TTC29: variants seen among roughly 807,000 people sequenced by gnomAD.
TTC29 encodes tetratricopeptide repeat protein 29.
TTC29 carries 49 observed loss-of-function variants against 58.1 expected under a neutral mutation model. The observed-to-expected ratio is 0.84, with a 90% CI of 0.67 to 1.07. The LOEUF is 1.07. TTC29 is among the 50% of genes least tolerant of loss of function. The pLI, the probability that TTC29 is intolerant of heterozygous loss-of-function variation, is 0.00. For missense variants in TTC29, 582 were observed against 555.6 expected (o/e 1.05, Z -0.48); for synonymous variants, 209 against 196.8 (o/e 1.06, Z -0.52).
At position 146,723,859 on chromosome 4, in the gene TTC29, G is replaced by A. The variant is rs118100005; in HGVS notation, c.1331-16308C>T. On this transcript the variant is annotated intron_variant, in intron 11 of 12. Transcript: ENST00000325106. The stretch of plus-strand genomic sequence containing the variant: ...CTGAAAACAGAACTACCAGTCAACT[G>A]AGAAATCCCATTACTGGGTATATAT... Among the ~76,000 whole-genome samples, 11 of 152,292 alleles carry A rather than the reference G, an allele frequency of 7.2e-5. No homozygotes were observed. The East Asian group carries it at 2.1e-3, about 29-fold the overall frequency.
chr4:146,789,408 G>T (rs564695609), intron 11 of TTC29, among the ~76,000 whole-genome samples: 5 of 152,272 alleles, frequency 3.3e-5, no homozygotes, highest in Middle Eastern at 3.4e-3. Flanking sequence ...ACCCTAGAGA[G>T]ATCCATTTTT....
intron 6 of TTC29, among the ~76,000 whole-genome samples, chr4:146,885,523 A>G (rs1415888191): frequency 6.6e-6 from 1 of 152,124 alleles, no homozygotes; most frequent in Admixed American, 6.6e-5. Flanking sequence ...TTTCATAATC[A>G]TATTTTAAAA....
intron 6 of TTC29, among the ~76,000 whole-genome samples, chr4:146,884,224 A>G (rs930640736): frequency 6.6e-6 from 1 of 152,154 alleles, no homozygotes; most frequent in Non-Finnish European, 1.5e-5. Context: ...CTAACTATCA[A>G]ATTCACTTTC....
intron 11 of TTC29, among the ~76,000 whole-genome samples, chr4:146,786,285 A>AAAAG (rs1192510845): frequency 4.6e-5 from 7 of 152,208 alleles, no homozygotes; most frequent in Non-Finnish European, 1.0e-4. Context: ...TTTGTTCTCT[A>AAAAG]AAAGACTGGC....
chr4:146,874,569 T>A, intron 7 of TTC29, 147 bp downstream of exon 7: 2 of 692,458 alleles, frequency 2.9e-6, no homozygotes, highest in Non-Finnish European at 4.8e-6. Flanking sequence ...CGTTTTACAG[T>A]GAAATTTGAA....
intron 9 of TTC29, among the ~76,000 whole-genome samples, chr4:146,826,131 T>G (rs1435579259): frequency 6.6e-6 from 1 of 152,210 alleles, no homozygotes; most frequent in Admixed American, 6.5e-5. Context: ...TGTTGTTATG[T>G]GTGAATTTGA....
chr4:146,783,113 A>G (rs1050498488), intron 11 of TTC29, among the ~76,000 whole-genome samples: 13 of 152,106 alleles, frequency 8.5e-5, no homozygotes, highest in African/African-American at 2.7e-4. Context: ...AAATTCACAA[A>G]TAATAATTGT....
At chr4:146,786,447 C>T (rs570560400) in intron 11 of TTC29, among the ~76,000 whole-genome samples, 13 of 152,272 alleles carry the variant, frequency 8.5e-5, no homozygotes, top group African/African-American at 2.9e-4. Flanking sequence ...TTTATGCACA[C>T]GGATGAAATC....
chr4:146,808,989 C>G (rs553260539), intron 10 of TTC29, among the ~76,000 whole-genome samples: 114 of 151,876 alleles, frequency 7.5e-4, no homozygotes, highest in African/African-American at 2.7e-3. Flanking sequence ...TCAAACTATA[C>G]TACAAGGCTA....
chr4:146,874,938 A>G lies in TTC29; in HGVS notation c.587-10T>C, dbSNP rs781177899. ...GCTTCCAGAAGCTGACCTGGAGAAT[A>G]AAAGCCATTCATAAGTATAAACCAG... On this transcript the variant is annotated splice_polypyrimidine_tract_variant and intron_variant, in intron 6 of 12. Coordinates refer to ENST00000325106, the MANE Select transcript of TTC29 (RefSeq NM_031956.4). 4.3e-6 allele frequency: 7 copies of G among 1,609,882 alleles called. No individual in the cohort carries two copies. The highest frequency in any genetic ancestry group is 5.9e-6 in the Non-Finnish European group (7 of 1,177,038).
At chr4:146,742,956 T>C (rs1745272171) in intron 11 of TTC29, among the ~76,000 whole-genome samples, 1 of 151,904 alleles carries the variant, frequency 6.6e-6, no homozygotes, top group Admixed American at 6.6e-5. Flanking sequence ...GAAAACGCAA[T>C]GGAAAGAAAA....
intron 8 of TTC29, among the ~76,000 whole-genome samples, chr4:146,838,738 T>C (rs866271011): frequency 6.6e-6 from 1 of 152,076 alleles, no homozygotes; most frequent in South Asian, 2.1e-4. Flanking sequence ...ATTTGAAGGA[T>C]TGGGAACCTG....
At chr4:146,891,314 T>A (rs1732345165) in intron 6 of TTC29, among the ~76,000 whole-genome samples, 1 of 152,198 alleles carries the variant, frequency 6.6e-6, no homozygotes, top group Admixed American at 6.6e-5. Flanking sequence ...TGTTAATTAC[T>A]CTTGTTTGTT....
intron 8 of TTC29, among the ~76,000 whole-genome samples, chr4:146,850,764 TTTAG>T (rs1729465121): frequency 6.6e-6 from 1 of 152,220 alleles, no homozygotes; most frequent in African/African-American, 2.4e-5. Context: ...AATATTCACG[TTTAG>T]TTACACAATA....
intron 8 of TTC29, among the ~76,000 whole-genome samples, chr4:146,857,621 T>A (rs565257950): frequency 6.6e-6 from 1 of 152,014 alleles, no homozygotes; most frequent in East Asian, 1.9e-4. Context: ...TAACCAGCCA[T>A]CCTCTGGGAG....
intron 6 of TTC29, among the ~76,000 whole-genome samples, chr4:146,877,402 G>A (rs905500572): frequency 2.0e-5 from 3 of 152,030 alleles, no homozygotes; most frequent in South Asian, 2.1e-4. Flanking sequence ...TTTTCACATT[G>A]AGACCAATAC....
At chr4:146,752,810 C>T (rs925302463) in intron 11 of TTC29, among the ~76,000 whole-genome samples, 2 of 152,124 alleles carry the variant, frequency 1.3e-5, no homozygotes, top group Non-Finnish European at 2.9e-5. Context: ...AAAAGGATTC[C>T]CTATTTAATA....
Position 146,768,847 on chromosome 4 carries a change from A to C in TTC29, c.1330+34610T>G, listed in dbSNP as rs1218248397. Among the ~76,000 whole-genome samples the C allele has an allele frequency of 2.0e-5, 3 of 152,016 alleles. No individual in the cohort carries two copies. The East Asian group carries it at 5.8e-4, about 29-fold the overall frequency. On this transcript the variant is annotated intron_variant, in intron 11 of 12. Transcript: ENST00000325106. ...TGGCCCTAATTTGTTAACACCTTTT[A>C]AATTATTAATCCCCTTTATATTCAA...
At chr4:146,736,636 A>G (rs1469189893) in intron 11 of TTC29, among the ~76,000 whole-genome samples, 1 of 152,190 alleles carries the variant, frequency 6.6e-6, no homozygotes, top group African/African-American at 2.4e-5. Flanking sequence ...ACTCTGAACT[A>G]GAGAATTTCC....
Sources: gnomAD v4.1 joint callset for allele counts (sites outside exome capture counted in the v4.1 genomes callset) on GRCh38, gnomAD v4.1.1 for gene constraint, MANE v1.5 for transcripts, NCBI Gene and HGNC (gene_info 2026-07-23, HGNC 2026-07-21) for gene names.